Variants in ESYT2 observed in about 807,000 individuals in gnomAD.
The protein encoded by ESYT2 is extended synaptotagmin-2.
ESYT2 carries 54 observed loss-of-function variants against 107.2 expected under a neutral mutation model. The observed-to-expected ratio is 0.50, with a 90% confidence interval of 0.40 to 0.63. ESYT2 has a LOEUF of 0.63. Among genes scored for constraint, ESYT2 ranks in the 30% least tolerant of loss-of-function variants. The pLI is 0.00. For missense variants in ESYT2, 1,020 were observed against 1,094.5 expected (o/e 0.93, Z 0.96); for synonymous variants, 491 against 434.1 (o/e 1.13, Z -1.63).
At chr7:158,777,763 C>T (rs1322721394) in intron 6 of ESYT2, among the ~76,000 whole-genome samples, 3 of 152,114 alleles carry the variant, frequency 2.0e-5, no homozygotes, top group Admixed American at 6.5e-5. Flanking sequence ...TGTACTAATC[C>T]GCCATCTTAC....
At chr7:158,774,813 C>A (rs950501663) in intron 6 of ESYT2, among the ~76,000 whole-genome samples, 2 of 152,202 alleles carry the variant, frequency 1.3e-5, no homozygotes, top group Non-Finnish European at 2.9e-5. Context: ...CCTCACACAG[C>A]GCACCATCAG....
Position 158,759,514 on chromosome 7 carries a change from A to G in ESYT2, c.1391T>C (p.Leu464Ser), listed in dbSNP as rs1005465140. The change falls in exon 13 of 23, where the codon TTG (leucine) becomes TCG (serine). Residue 464 changes from leucine (L) to serine (S), a missense_variant. By Grantham distance (145) the Leu-to-Ser change is moderately radical. Transcript: ENST00000275418. ...AAGGTTCCTTGCTGAATCCAAGTAC[A>G]AGATCAGCAATGCAGAGGAAAGACC... is the stretch of plus-strand genomic sequence containing the variant. The part of the protein sequence containing the change: ...NDGLSSALLI[L>S]YLDSARNLPS... The G allele has an allele frequency of 6.2e-7, 1 of 1,611,574 alleles. No homozygotes were observed. The highest frequency in any genetic ancestry group is 1.3e-5 in the African/African-American group (1 of 75,020).
intron 1 of ESYT2, among the ~76,000 whole-genome samples, chr7:158,812,958 A>T (rs1421084165): frequency 6.6e-6 from 1 of 152,236 alleles, no homozygotes; most frequent in African/African-American, 2.4e-5. Context: ...AATGGGCACA[A>T]AACAGGGTTC....
At position 158,802,584 on chromosome 7, in the gene ESYT2, A is replaced by G. The variant is rs974682198; in HGVS notation, c.331-3512T>C. Among the ~76,000 whole-genome samples, 3 of 152,196 alleles carry G rather than the reference A, an allele frequency of 2.0e-5. No homozygotes were observed. The South Asian group carries it at 6.2e-4, about 32-fold the overall frequency. On this transcript the variant is annotated intron_variant, in intron 1 of 22. Transcript: ENST00000275418. ...GCATGAGCCACCACACCAGGCTGAT[A>G]TAAGCACTTTTAATTACAAAAAAAA...
intron 6 of ESYT2, among the ~76,000 whole-genome samples, chr7:158,774,932 A>G (rs1838497998): frequency 6.6e-6 from 1 of 152,238 alleles, no homozygotes; most frequent in South Asian, 2.1e-4. Context: ...AAGCTTCTAA[A>G]TACAATTAGA....
At chr7:158,737,226 G>A in intron 19 of ESYT2, 47 bp from the exon 20 acceptor site, 3 of 1,589,450 alleles carry the variant, frequency 1.9e-6, no homozygotes, top group Non-Finnish European at 2.6e-6. Context: ...CCGAGAAAAA[G>A]AGAATGAGCA....
Position 158,762,638 on chromosome 7 carries a change from G to A in ESYT2, c.1184+445C>T, listed in dbSNP as rs73729986. 4.3e-3 allele frequency among the ~76,000 whole-genome samples: 662 copies of A among 152,276 alleles called. 5 individuals are homozygous for A. The highest frequency in any genetic ancestry group is 0.015 in the African/African-American group (640 of 41,560). ...TTGTTCAATTGAAGTGAACAAACCA[G>A]TATTTATTTTCCCAATGTGAATTAC... On this transcript the variant is annotated intron_variant, in intron 10 of 22. Transcript: ENST00000275418.
intron 6 of ESYT2, among the ~76,000 whole-genome samples, chr7:158,785,608 G>A (rs1839084300): frequency 6.6e-6 from 1 of 152,156 alleles, no homozygotes; most frequent in Non-Finnish European, 1.5e-5. Context: ...ATTTAATTGT[G>A]TGAGGTAGGT....
chr7:158,814,594 G>C (rs1243150380), intron 1 of ESYT2, among the ~76,000 whole-genome samples: 1 of 152,120 alleles, frequency 6.6e-6, no homozygotes, highest in Non-Finnish European at 1.5e-5. Flanking sequence ...ATTTAAGAAT[G>C]CTAACAGTAT....
At chr7:158,761,726 G>A (rs1433414111) in intron 10 of ESYT2, among the ~76,000 whole-genome samples, 182 bp from the exon 11 acceptor site, 1 of 152,080 alleles carries the variant, frequency 6.6e-6, no homozygotes, top group Non-Finnish European at 1.5e-5. Context: ...TTTTCCACAA[G>A]CTTCCTCCAG....
chr7:158,808,153 A>G (rs1472118904), intron 1 of ESYT2, among the ~76,000 whole-genome samples: 1 of 152,226 alleles, frequency 6.6e-6, no homozygotes, highest in Non-Finnish European at 1.5e-5. Context: ...TCCCCTACTT[A>G]TCGGCAGTTC....
At chr7:158,734,518 C>T in intron 21 of ESYT2, 47 bp from the exon 22 acceptor site, 1 of 1,562,594 alleles carries the variant, frequency 6.4e-7, no homozygotes, top group Non-Finnish European at 8.7e-7. Context: ...GCTGGGGGCA[C>T]TGGCTCCCGT....
chr7:158,734,253 C>T lies in ESYT2; in HGVS notation c.2556-1G>A, dbSNP rs867729881. On this transcript the variant is annotated splice_acceptor_variant, in intron 22 of 22. Transcript: ENST00000275418. LOFTEE classifies it high-confidence loss of function. ...CGTCCCATCTTCCGTGAGGTCATACCTGAGAAAGACAGTGACAGGAAGGTG... is the reference window on the plus strand; with the variant it reads ...CGTCCCATCTTCCGTGAGGTCATACTTGAGAAAGACAGTGACAGGAAGGTG... 6.2e-7 allele frequency: 1 copy of T among 1,614,090 alleles called. No individual in the cohort carries two copies. The highest frequency in any genetic ancestry group is 8.5e-7 in the Non-Finnish European group (1 of 1,180,020).
intron 1 of ESYT2, among the ~76,000 whole-genome samples, chr7:158,815,375 C>CG (rs1840122282): frequency 6.6e-6 from 1 of 152,118 alleles, no homozygotes. Flanking sequence ...TTGTTCCAGC[C>CG]ATCATTTCTA....
chr7:158,782,340 G>A lies in ESYT2; in HGVS notation c.747+5664C>T, dbSNP rs562675209. ...TGAACGAGTGTGAGAACAGTGTGAG[G>A]TGTGAGTGTAAGAACGTGAGTGAAC... On this transcript the variant is annotated intron_variant, in intron 6 of 22. Coordinates refer to ENST00000275418, the MANE Select transcript of ESYT2 (RefSeq NM_001367773.1). 1.4e-4 allele frequency among the ~76,000 whole-genome samples: 21 copies of A among 149,988 alleles called. No homozygotes were observed. In the East Asian group the frequency reaches 3.0e-3, roughly 21 times the overall value.
At position 158,797,977 on chromosome 7, in the gene ESYT2, T is replaced by G; in HGVS notation, c.472A>C (p.Thr158Pro). ...ACGTCGACCTTCGTGAAACTAAAGGTGCTAAGGTGGGTGTTTGCTCCCCGC... is the reference window on the plus strand; with the variant it reads ...ACGTCGACCTTCGTGAAACTAAAGGGGCTAAGGTGGGTGTTTGCTCCCCGC... ...AVRGANTHLS[T>P]FSFTKVDVGQ... The change falls in exon 3 of 23, where the codon ACC (threonine) becomes CCC (proline). Residue 158 changes from threonine to proline, a missense_variant. Coordinates refer to ENST00000275418, the MANE Select transcript of ESYT2 (RefSeq NM_001367773.1). 1 of 1,613,794 alleles carries G rather than the reference T, an allele frequency of 6.2e-7. No homozygotes were observed. The highest frequency in any genetic ancestry group is 8.5e-7 in the Non-Finnish European group (1 of 1,179,908).
intron 6 of ESYT2, among the ~76,000 whole-genome samples, chr7:158,782,407 T>A (rs938813391): frequency 2.8e-5 from 4 of 141,698 alleles, no homozygotes; most frequent in Admixed American, 7.0e-5. Context: ...AACAAGTGAG[T>A]GAACGAGTGT....
At chr7:158,745,692 T>TAA (rs57511337) in intron 16 of ESYT2, among the ~76,000 whole-genome samples, 5 of 151,088 alleles carry the variant, frequency 3.3e-5, no homozygotes, top group East Asian at 2.0e-4. Flanking sequence ...ATAGAAAGAT[T>TAA]AAAAAAAAAT....
Position 158,761,495 on chromosome 7 carries a change from C to T in ESYT2, c.1233+1G>A, listed in dbSNP as rs759874376. ...CAGACCCACACTCCAGGGAAACTTA[C>T]TTCATCTAAAAGGCGCTCCTTTTCA... On this transcript the variant is annotated splice_donor_variant, in intron 11 of 22. Coordinates refer to ENST00000275418, the MANE Select transcript of ESYT2 (RefSeq NM_001367773.1). LOFTEE classifies it high-confidence loss of function. The T allele has an allele frequency of 1.9e-6, 3 of 1,614,054 alleles. No individual in the cohort carries two copies. Among genetic ancestry groups the T allele is most frequent in the East Asian group, 2.2e-5 (1 of 44,878 alleles).
Sources: allele counts gnomAD v4.1 joint callset (sites outside exome capture counted in the v4.1 genomes callset), GRCh38; gene constraint gnomAD v4.1.1; transcripts MANE v1.5; gene names NCBI Gene and HGNC (gene_info 2026-07-23, HGNC 2026-07-21).